Variants in RERE observed in about 807,000 individuals in gnomAD.
The protein encoded by RERE is arginine-glutamic acid dipeptide repeats protein.
A neutral mutation model predicts 146.1 loss-of-function variants in RERE; 40 were observed. That is an observed-to-expected ratio of 0.27 (90% confidence interval 0.21 to 0.36). The LOEUF (loss-of-function observed/expected upper bound fraction) is 0.36. Among genes scored for constraint, RERE ranks in the 10% least tolerant of loss-of-function variants. The pLI, the probability that RERE is intolerant of heterozygous loss-of-function variation, is 1.00. For missense variants in RERE, 1,933 were observed against 2,138.7 expected (o/e 0.90, Z 1.90); for synonymous variants, 1,003 against 866.0 (o/e 1.16, Z -2.78).
intron 1 of RERE, among the ~76,000 whole-genome samples, chr1:8,785,864 T>C (rs1041058659): frequency 2.0e-5 from 3 of 152,158 alleles, no homozygotes; most frequent in Non-Finnish European, 4.4e-5. Flanking sequence ...TCAAGTGATC[T>C]GCCCACCTCG....
intron 12 of RERE, chr1:8,380,941 T>A: frequency 2.2e-6 from 1 of 456,694 alleles, no homozygotes; most frequent in Non-Finnish European, 4.4e-6. Context: ...ACGTTCGGCT[T>A]CTTGAGTCCT....
intron 1 of RERE, among the ~76,000 whole-genome samples, chr1:8,752,704 C>G (rs12028350): frequency 6.6e-6 from 1 of 152,256 alleles, no homozygotes; most frequent in East Asian, 1.9e-4. Flanking sequence ...AAGCTATTGC[C>G]TTTGTAGGAA....
chr1:8,417,306 G>T (rs1356100554), intron 12 of RERE, among the ~76,000 whole-genome samples: 2 of 152,112 alleles, frequency 1.3e-5, no homozygotes, highest in Non-Finnish European at 2.9e-5. Flanking sequence ...CTATGCAAAT[G>T]ACATTTTGCC....
At chr1:8,469,926 G>T (rs1438585965) in intron 10 of RERE, among the ~76,000 whole-genome samples, 1 of 152,144 alleles carries the variant, frequency 6.6e-6, no homozygotes, top group East Asian at 1.9e-4. Flanking sequence ...AGCTTAATGG[G>T]GAAAGAGGCA....
chr1:8,732,359 T>C lies in RERE; in HGVS notation c.-144-75918A>G, dbSNP rs144655131. Among the ~76,000 whole-genome samples the C allele has an allele frequency of 4.7e-3, 721 of 152,314 alleles. 7 individuals carry two copies. Among genetic ancestry groups the C allele is most frequent in the African/African-American group, 0.017 (688 of 41,556 alleles). On this transcript the variant is annotated intron_variant, in intron 1 of 22. Transcript: ENST00000400908. Reference sequence around the variant, plus strand: ...AGAAAGAGGAACATTAAACACATATTGTTAAGTGAAAGAAGCCAATCTGAA... The same window carrying C: ...AGAAAGAGGAACATTAAACACATATCGTTAAGTGAAAGAAGCCAATCTGAA...
intron 2 of RERE, among the ~76,000 whole-genome samples, chr1:8,645,333 C>T (rs1010456488): frequency 6.6e-6 from 1 of 152,128 alleles, no homozygotes; most frequent in African/African-American, 2.4e-5. Context: ...CATATTTTAA[C>T]GTCAAAATCT....
At position 8,365,786 on chromosome 1, in the gene RERE, A is replaced by C. The variant is rs377329992; in HGVS notation, c.1447+26T>G. 7.1e-5 allele frequency: 114 copies of C among 1,612,004 alleles called. No individual in the cohort carries two copies. In the African/African-American group the frequency reaches 7.5e-4, roughly 11 times the overall value. ...CCCGTGAACAGTCTCCCCTCCGCCC[A>C]CTGTGATGCCAAGACCCCTACTCAC... On this transcript the variant is annotated intron_variant, in intron 13 of 22. Transcript: ENST00000400908.
chr1:8,635,484 C>T (rs558206144), intron 2 of RERE, among the ~76,000 whole-genome samples: 263 of 152,302 alleles, frequency 1.7e-3, no homozygotes, highest in African/African-American at 6.1e-3. Flanking sequence ...TGGATGCTTT[C>T]TATATGAAAC....
chr1:8,393,601 C>T lies in RERE; in HGVS notation c.1285-27627G>A, dbSNP rs148195632. ...AGTGTTCATAAAGCATAATGGGCAT[C>T]TCCCAACAAATGGACCCAAGCGCAG... On this transcript the variant is annotated intron_variant, in intron 12 of 22. Transcript: ENST00000400908. Among the ~76,000 whole-genome samples, 16 of 152,282 alleles carry T rather than the reference C, an allele frequency of 1.1e-4. No homozygotes were observed. In the East Asian group the frequency reaches 3.1e-3, roughly 29 times the overall value.
intron 1 of RERE, among the ~76,000 whole-genome samples, chr1:8,671,175 G>A (rs1638708368): frequency 6.6e-6 from 1 of 152,102 alleles, no homozygotes; most frequent in African/African-American, 2.4e-5. Flanking sequence ...GGGGCTGGAT[G>A]GTATCAAAAC....
chr1:8,469,192 A>G (rs937362532), intron 10 of RERE, among the ~76,000 whole-genome samples: 6 of 152,180 alleles, frequency 3.9e-5, no homozygotes, highest in African/African-American at 1.4e-4. Context: ...TTTCCAGATT[A>G]CAGAGTAGTC....
At chr1:8,592,031 C>A (rs534437513) in intron 4 of RERE, among the ~76,000 whole-genome samples, 39 of 152,292 alleles carry the variant, frequency 2.6e-4, no homozygotes, top group Non-Finnish European at 4.9e-4. Context: ...AAGGAAAAAA[C>A]ACTGTAATGC....
rs146467643 is a variant in RERE at position 8,562,617 on chromosome 1, T to C, written c.523-5094A>G. ...GATCCTCCCGCCTCAGCCTCCTGAG[T>C]AAGTAGGAACACAGGCACCCAGCTA... On this transcript the variant is annotated intron_variant, in intron 4 of 22. Transcript: ENST00000400908. Among the ~76,000 whole-genome samples, 29 of 152,282 alleles carry C rather than the reference T, an allele frequency of 1.9e-4. No individual in the cohort carries two copies. In the East Asian group the frequency reaches 4.8e-3, roughly 25 times the overall value.
intron 6 of RERE, among the ~76,000 whole-genome samples, chr1:8,546,316 T>A (rs2399142): frequency 0.76 from 112,162 of 147,138 alleles, 42,495 homozygotes; most frequent in East Asian, 0.91. Context: ...TAAATAAAAA[T>A]ATATATATAT....
Position 8,359,992 on chromosome 1 carries a change from A to G in RERE, c.3396-6T>C, listed in dbSNP as rs1475668775. 6.2e-7 allele frequency: 1 copy of G among 1,612,008 alleles called. No individual in the cohort carries two copies. The highest frequency in any genetic ancestry group is 2.2e-5 in the East Asian group (1 of 44,842). ...GGTCCAGGTGTTTGTAGAACCTGAG[A>G]AAAGCCACAGATCTTGCTGGGAGCT... On this transcript the variant is annotated splice_region_variant and splice_polypyrimidine_tract_variant and intron_variant, in intron 18 of 22. Transcript: ENST00000400908.
At chr1:8,368,138 C>T (rs1641888475) in intron 12 of RERE, among the ~76,000 whole-genome samples, 1 of 152,168 alleles carries the variant, frequency 6.6e-6, no homozygotes, top group Non-Finnish European at 1.5e-5. Flanking sequence ...CTTCTACTTC[C>T]TCAGTCCAAG....
At chr1:8,685,426 G>A (rs1639063145) in intron 1 of RERE, among the ~76,000 whole-genome samples, 2 of 47,772 alleles carry the variant, frequency 4.2e-5, no homozygotes, top group African/African-American at 1.8e-4. Context: ...CCACAATAAA[G>A]ATTTATCTAT....
Position 8,730,952 on chromosome 1 carries a change from A to T in RERE, c.-144-74511T>A, listed in dbSNP as rs564006097. Among the ~76,000 whole-genome samples the T allele has an allele frequency of 8.0e-4, 122 of 152,290 alleles. 2 individuals are homozygous for T. Among genetic ancestry groups the T allele is most frequent in the Admixed American group, 6.5e-4 (10 of 15,298 alleles). ...TCATTCCCATCCTCACAGCAAGAAA[A>T]CAGCTAAACAAACTGAAATCAATGG... On this transcript the variant is annotated intron_variant, in intron 1 of 22. Transcript: ENST00000400908.
chr1:8,794,040 C>CT (rs1641417531), intron 1 of RERE, among the ~76,000 whole-genome samples: 1 of 151,270 alleles, frequency 6.6e-6, no homozygotes, highest in Non-Finnish European at 1.5e-5. Flanking sequence ...TGCACTCCAG[C>CT]CTGGGTGACA....
Sources: allele counts gnomAD v4.1 joint callset (sites outside exome capture counted in the v4.1 genomes callset), GRCh38; gene constraint gnomAD v4.1.1; transcripts MANE v1.5; gene names NCBI Gene and HGNC (gene_info 2026-07-23, HGNC 2026-07-21).